Variants in PDE4D observed in about 807,000 individuals in gnomAD.
PDE4D encodes the protein 3',5'-cyclic-AMP phosphodiesterase 4D.
A neutral mutation model predicts 87.4 loss-of-function variants in PDE4D; 24 were observed. The observed-to-expected ratio is 0.27, with a 90% CI of 0.20 to 0.39. PDE4D has a LOEUF of 0.39. Among genes scored for constraint, PDE4D ranks in the 10% least tolerant of loss-of-function variants. PDE4D has a pLI of 1.00. For synonymous variants in PDE4D, 384 were observed against 383.2 expected (o/e 1.00, Z -0.02); for missense variants, 714 against 1,041.0 (o/e 0.69, Z 4.32).
chr5:59,414,718 C>G (rs969994197), intron 1 of PDE4D, among the ~76,000 whole-genome samples: 2 of 152,134 alleles, frequency 1.3e-5, no homozygotes, highest in East Asian at 1.9e-4. Flanking sequence ...AGATATCGAA[C>G]AAACAACAAA....
chr5:59,275,358 T>C (rs759350283), intron 1 of PDE4D: 5 of 1,597,324 alleles, frequency 3.1e-6, no homozygotes, highest in Non-Finnish European at 3.4e-6. Flanking sequence ...CTGCAGTCCT[T>C]AGGGAACTTG....
intron 1 of PDE4D, among the ~76,000 whole-genome samples, chr5:59,858,671 G>A (rs1745815953): frequency 6.6e-6 from 1 of 152,034 alleles, no homozygotes; most frequent in Admixed American, 6.6e-5. Flanking sequence ...GTTCAACATA[G>A]ATCAACCAAA....
At chr5:60,249,152 C>T (rs1276121176) in intron 1 of PDE4D, among the ~76,000 whole-genome samples, 1 of 151,990 alleles carries the variant, frequency 6.6e-6, no homozygotes, top group Non-Finnish European at 1.5e-5. Context: ...CTAGATATTG[C>T]AACTCCCCAA....
At chr5:60,031,449 T>C (rs567516344) in intron 2 of PDE4D, among the ~76,000 whole-genome samples, 161 of 152,228 alleles carry the variant, frequency 1.1e-3, no homozygotes, top group African/African-American at 3.7e-3. Context: ...AAAAAATTGG[T>C]GAATCCTAAA....
intron 5 of PDE4D, among the ~76,000 whole-genome samples, chr5:59,134,150 T>C (rs998157882): frequency 6.7e-6 from 1 of 149,358 alleles, no homozygotes; most frequent in Admixed American, 6.8e-5. Context: ...AAAGCTAGCA[T>C]GTAAGCTGTC....
At chr5:59,057,291 C>T (rs930278163) in intron 5 of PDE4D, among the ~76,000 whole-genome samples, 1 of 152,210 alleles carries the variant, frequency 6.6e-6, no homozygotes, top group Admixed American at 6.5e-5. Context: ...TGGAGTAAGG[C>T]AGTCCTTGTT....
At chr5:59,794,514 T>C (rs556534365) in intron 1 of PDE4D, among the ~76,000 whole-genome samples, 1 of 152,006 alleles carries the variant, frequency 6.6e-6, no homozygotes, top group East Asian at 1.9e-4. Flanking sequence ...CAGGTCCGCT[T>C]TCAGAGCCTT....
chr5:60,470,859 C>A (rs1255447999), intron 1 of PDE4D, among the ~76,000 whole-genome samples: 1 of 152,130 alleles, frequency 6.6e-6, no homozygotes, highest in African/African-American at 2.4e-5. Context: ...TGATGAAGAA[C>A]TACGAGGAGA....
At chr5:60,047,654 C>G (rs946709795) in intron 2 of PDE4D, among the ~76,000 whole-genome samples, 1 of 152,122 alleles carries the variant, frequency 6.6e-6, no homozygotes, top group South Asian at 2.1e-4. Context: ...GCAGGTTGTT[C>G]AGTTTCCATG....
At chr5:60,162,006 T>G (rs545466924) in intron 2 of PDE4D, among the ~76,000 whole-genome samples, 12 of 152,238 alleles carry the variant, frequency 7.9e-5, no homozygotes, top group Non-Finnish European at 1.5e-4. Context: ...AGCATCAACC[T>G]ACCACCATTT....
At chr5:59,764,060 C>T (rs1394273589) in intron 1 of PDE4D, among the ~76,000 whole-genome samples, 15 of 152,196 alleles carry the variant, frequency 9.9e-5, no homozygotes, top group Non-Finnish European at 1.5e-5. Context: ...GACACCAAAC[C>T]CCACAGTTCT....
chr5:59,646,992 G>T (rs1315296840), intron 1 of PDE4D, among the ~76,000 whole-genome samples: 1 of 152,006 alleles, frequency 6.6e-6, no homozygotes, highest in Admixed American at 6.6e-5. Context: ...CCGAGATCAC[G>T]CCACTGCACT....
At chr5:60,245,293 C>T (rs980665355) in intron 1 of PDE4D, among the ~76,000 whole-genome samples, 7 of 151,714 alleles carry the variant, frequency 4.6e-5, no homozygotes, top group South Asian at 2.1e-4. Flanking sequence ...CAAATGCTGG[C>T]GAGGATGTGA....
At chr5:60,401,558 G>A (rs530562194) in intron 1 of PDE4D, among the ~76,000 whole-genome samples, 1 of 152,204 alleles carries the variant, frequency 6.6e-6, no homozygotes, top group Non-Finnish European at 1.5e-5. Flanking sequence ...GCTTTGAACT[G>A]ATAATGATGT....
At chr5:59,016,750 CAG>C (rs1055898346) in intron 6 of PDE4D, among the ~76,000 whole-genome samples, 3 of 152,054 alleles carry the variant, frequency 2.0e-5, no homozygotes, top group African/African-American at 4.8e-5. Context: ...CTTTAAACAT[CAG>C]AGTTTTTTAG....
intron 1 of PDE4D, among the ~76,000 whole-genome samples, chr5:60,451,027 C>T (rs1746056461): frequency 6.6e-6 from 1 of 152,026 alleles, no homozygotes; most frequent in African/African-American, 2.4e-5. Flanking sequence ...ATCTTCAAAG[C>T]ATTAAAGATA....
intron 1 of PDE4D, among the ~76,000 whole-genome samples, chr5:60,377,501 T>G (rs1761523563): frequency 6.6e-6 from 1 of 152,184 alleles, no homozygotes; most frequent in Non-Finnish European, 1.5e-5. Context: ...CAAATATTGT[T>G]TATTAGCCAA....
intron 1 of PDE4D, chr5:59,592,171 T>G (rs1373232525): frequency 2.0e-6 from 2 of 978,736 alleles, no homozygotes; most frequent in East Asian, 2.3e-4. Context: ...GAACAGTGTC[T>G]TCTTCTCTAT....
intron 1 of PDE4D, among the ~76,000 whole-genome samples, chr5:60,283,006 G>A (rs1175509303): frequency 6.6e-6 from 1 of 152,054 alleles, no homozygotes; most frequent in African/African-American, 2.4e-5. Context: ...TGGGTGGAGT[G>A]TTCTAAAATG....
Sources: allele counts gnomAD v4.1 joint callset (sites outside exome capture counted in the v4.1 genomes callset), GRCh38; gene constraint gnomAD v4.1.1; transcripts MANE v1.5; gene names NCBI Gene and HGNC (gene_info 2026-07-23, HGNC 2026-07-21).